Variants in PVT1 observed in about 807,000 individuals in gnomAD.
PVT1 encodes Pvt1 oncogene.
chr8:127,808,715 G>T (rs1814556102), intron 2 of PVT1, among the ~76,000 whole-genome samples: 1 of 152,012 alleles, frequency 6.6e-6, no homozygotes, highest in African/African-American at 2.4e-5. Context: ...GATGAGTTTG[G>T]TATTTATTTT....
At chr8:127,836,828 G>A (rs1297382134) in intron 2 of PVT1, among the ~76,000 whole-genome samples, 3 of 152,132 alleles carry the variant, frequency 2.0e-5, no homozygotes, top group African/African-American at 4.8e-5. Context: ...TATGGCTTCA[G>A]AGTCCACACG....
chr8:127,919,052 A>C (rs1586435812), intron 3 of PVT1, among the ~76,000 whole-genome samples: 1 of 152,230 alleles, frequency 6.6e-6, no homozygotes, highest in East Asian at 1.9e-4. Flanking sequence ...CAGGTTGGTG[A>C]AGGCAGTGCG....
At chr8:127,823,728 C>A (rs1814757815) in intron 2 of PVT1, among the ~76,000 whole-genome samples, 2 of 152,226 alleles carry the variant, frequency 1.3e-5, no homozygotes, top group South Asian at 4.1e-4. Flanking sequence ...ACACTTAAGA[C>A]TCCTGTGCTT....
chr8:127,853,113 A>G (rs998708337), intron 2 of PVT1, among the ~76,000 whole-genome samples: 5 of 152,208 alleles, frequency 3.3e-5, no homozygotes, highest in Admixed American at 1.3e-4. Context: ...TGGTAGAAGG[A>G]CAGCGAGTCT....
At chr8:127,837,956 G>A (rs1240841825) in intron 2 of PVT1, among the ~76,000 whole-genome samples, 1 of 151,184 alleles carries the variant, frequency 6.6e-6, no homozygotes, top group African/African-American at 2.4e-5. Context: ...GGAGTGCAGT[G>A]GTGCAATCTC....
chr8:127,908,335 T>C (rs1815848556), intron 3 of PVT1, among the ~76,000 whole-genome samples: 2 of 148,346 alleles, frequency 1.3e-5, no homozygotes, highest in South Asian at 4.4e-4. Flanking sequence ...TTTTTTTTCT[T>C]TTTTCTTTCT....
chr8:127,857,847 TA>T (rs754705522), intron 2 of PVT1, among the ~76,000 whole-genome samples: 1 of 152,250 alleles, frequency 6.6e-6, no homozygotes, highest in Non-Finnish European at 1.5e-5. Context: ...GAATGGATAT[TA>T]AATCATTTGT....
At chr8:127,983,398 G>A (rs2129983405) in intron 3 of PVT1, among the ~76,000 whole-genome samples, 1 of 152,270 alleles carries the variant, frequency 6.6e-6, no homozygotes, top group Middle Eastern at 3.4e-3. Flanking sequence ...GAAAGGCTTT[G>A]ATTTCTTGCT....
intron 4 of PVT1, among the ~76,000 whole-genome samples, chr8:127,999,937 A>ATGT (rs1381320937): frequency 6.6e-6 from 1 of 152,190 alleles, no homozygotes; most frequent in East Asian, 1.9e-4. Flanking sequence ...AGTCAGATGC[A>ATGT]TGTAGAAAGA....
At chr8:127,897,852 AAGAC>A (rs1448277753) in intron 3 of PVT1, among the ~76,000 whole-genome samples, 2 of 142,048 alleles carry the variant, frequency 1.4e-5, no homozygotes, top group African/African-American at 5.2e-5. Flanking sequence ...AAAGAAAAGA[AAGAC>A]AGGAAGGAAG....
chr8:127,891,947 A>G (rs1041643724), intron 3 of PVT1, among the ~76,000 whole-genome samples: 12 of 152,352 alleles, frequency 7.9e-5, no homozygotes, highest in African/African-American at 2.9e-4. Flanking sequence ...CTGGCCTCTC[A>G]GGTCCAGGCC....
intron 6 of PVT1, among the ~76,000 whole-genome samples, chr8:128,097,717 C>T (rs1814446877): frequency 6.6e-6 from 1 of 152,146 alleles, no homozygotes; most frequent in African/African-American, 2.4e-5. Context: ...AACTCGTTTA[C>T]CTGAGAATCT....
intron 2 of PVT1, among the ~76,000 whole-genome samples, chr8:127,802,440 T>G (rs1298530189): frequency 1.3e-5 from 2 of 152,146 alleles, no homozygotes; most frequent in Admixed American, 1.3e-4. Context: ...GGTCTTGAGC[T>G]CCTGGGCTCC....
At chr8:127,902,583 T>A (rs1485300986) in intron 3 of PVT1, among the ~76,000 whole-genome samples, 1 of 152,146 alleles carries the variant, frequency 6.6e-6, no homozygotes, top group Non-Finnish European at 1.5e-5. Context: ...CTTGTCCCCC[T>A]CTTTTCCTCC....
chr8:127,973,302 T>G (rs1259044595), intron 3 of PVT1, among the ~76,000 whole-genome samples: 1 of 151,946 alleles, frequency 6.6e-6, no homozygotes, highest in Admixed American at 6.6e-5. Context: ...ACATAGGAAA[T>G]AAGAATAATG....
chr8:128,076,046 A>G (rs757992137), intron 5 of PVT1, among the ~76,000 whole-genome samples: 9 of 152,204 alleles, frequency 5.9e-5, no homozygotes, highest in Non-Finnish European at 1.3e-4. Flanking sequence ...TTGTCCTCAC[A>G]GTCTAGAGAA....
At chr8:128,083,933 A>G (rs1434158503) in intron 5 of PVT1, among the ~76,000 whole-genome samples, 1 of 152,204 alleles carries the variant, frequency 6.6e-6, no homozygotes, top group Non-Finnish European at 1.5e-5. Context: ...TAAAGGATCA[A>G]CTGGTAGGTG....
intron 4 of PVT1, among the ~76,000 whole-genome samples, chr8:128,060,436 T>G (rs2130119909): frequency 6.6e-6 from 1 of 152,334 alleles, no homozygotes; most frequent in East Asian, 1.9e-4. Context: ...GGACTAAATG[T>G]GGTTTTGTAC....
intron 4 of PVT1, among the ~76,000 whole-genome samples, chr8:128,046,573 T>C (rs1813615430): frequency 6.6e-6 from 1 of 152,198 alleles, no homozygotes. Context: ...TAATCTGTCA[T>C]TCTGTTGCTC....
Sources: allele counts gnomAD v4.1 joint callset (sites outside exome capture counted in the v4.1 genomes callset), GRCh38; gene constraint gnomAD v4.1.1; transcripts MANE v1.5; gene names NCBI Gene and HGNC (gene_info 2026-07-23, HGNC 2026-07-21).